ZNF185: variants seen among roughly 807,000 people sequenced by gnomAD.
ZNF185 encodes the protein zinc finger protein 185.
In ZNF185, 56 loss-of-function variants were observed where a neutral mutation model predicts 58.6. The observed-to-expected ratio is 0.95, with a 90% CI of 0.77 to 1.19. ZNF185 has a LOEUF of 1.19. Among genes scored for constraint, ZNF185 ranks in the 50% most tolerant of loss-of-function variants. The probability of loss-of-function intolerance (pLI) is 0.00; values close to 1 mark genes in which losing one functional copy is unlikely to be tolerated. For synonymous variants in ZNF185, 230 were observed against 215.9 expected (o/e 1.07, Z -0.57); for missense variants, 627 against 573.5 (o/e 1.09, Z -0.95).
At chrX:152,960,474 G>A (rs781964174) in intron 17 of ZNF185, among the ~76,000 whole-genome samples, 1 of 112,072 alleles carries the variant, frequency 8.9e-6, no homozygotes, top group African/African-American at 3.2e-5. Context: ...AGGTACTAGG[G>A]AACAGACAAC....
chrX:152,957,759 C>T (rs917066133), intron 16 of ZNF185, among the ~76,000 whole-genome samples: 9 of 112,671 alleles, frequency 8.0e-5, no homozygotes, highest in Non-Finnish European at 1.3e-4. Flanking sequence ...AGGTACCCCT[C>T]GACACAGAAA....
chrX:152,967,304 C>T (rs2125984114), intron 20 of ZNF185, 66 bp downstream of exon 22: 1 of 1,065,566 alleles, frequency 9.4e-7, no homozygotes. Context: ...GGGAGAGTTC[C>T]TGCTGAGTCT....
intron 14 of ZNF185, among the ~76,000 whole-genome samples, chrX:152,935,052 G>A (rs2046104687): frequency 9.0e-6 from 1 of 110,848 alleles, no homozygotes; most frequent in African/African-American, 3.3e-5. Context: ...TGGAACTCCT[G>A]GGCTCAAGCA....
chrX:152,930,306 C>T (rs1266573796), intron 12 of ZNF185, among the ~76,000 whole-genome samples: 4 of 112,107 alleles, frequency 3.6e-5, no homozygotes, highest in Non-Finnish European at 7.5e-5. Context: ...TCAAAATTTC[C>T]AGGAGGGAGG....
In ZNF185 at chrX:152,967,324, T is replaced by C. The variant is rs2050217901; in HGVS notation, c.1871+86T>C. On this transcript the variant is annotated intron_variant, in intron 20 of 22. Coordinates refer to ENST00000449285, the Ensembl canonical transcript of ZNF185. Reference sequence around the variant, plus strand: ...AGTTCCTGCTGAGTCTGTTTGCTTTTGTCTTCTGCTTTGCAGCCTCCAATC... The same window carrying C: ...AGTTCCTGCTGAGTCTGTTTGCTTTCGTCTTCTGCTTTGCAGCCTCCAATC... 4.1e-6 allele frequency: 4 copies of C among 965,841 alleles called. No individual in the cohort carries two copies. In the East Asian group the frequency reaches 9.3e-5, roughly 22 times the overall value. 79.6% of individuals were successfully genotyped at this position (965,841 alleles called of 1,213,427 possible).
At chrX:152,958,840 G>T (rs1266100913) in intron 16 of ZNF185, among the ~76,000 whole-genome samples, 1 of 112,255 alleles carries the variant, frequency 8.9e-6, no homozygotes, top group African/African-American at 3.2e-5. Flanking sequence ...AAAACTACGC[G>T]GTCACAACGA....
intron 11 of ZNF185, among the ~76,000 whole-genome samples, chrX:152,926,274 C>T (rs1326470985): frequency 2.7e-5 from 3 of 112,702 alleles, no homozygotes; most frequent in Admixed American, 9.4e-5. Context: ...GTAATAGCTA[C>T]TTCCCAAGGC....
rs189058567 is a variant in ZNF185, at chrX:152,914,526, G to A, written c.34+3G>A. On this transcript the variant is annotated splice_donor_region_variant and intron_variant, in intron 1 of 22. Coordinates refer to ENST00000449285, the Ensembl canonical transcript of ZNF185. ...AGCTCTTGGAGGCCGCACCAAAGGT[G>A]AGGCCTGGGCTCCCTGGTTTCCCAG... The A allele has an allele frequency of 1.5e-4, 176 of 1,176,276 alleles. No individual in the cohort carries two copies. In the African/African-American group the frequency reaches 1.6e-3, roughly 11 times the overall value.
intron 12 of ZNF185, among the ~76,000 whole-genome samples, chrX:152,931,027 C>T: frequency 9.0e-6 from 1 of 111,637 alleles, no homozygotes; most frequent in Non-Finnish European, 1.9e-5. Context: ...GTTTGCTCAT[C>T]TGAAAGATGG....
chrX:152,925,264 C>G (rs1940633791), intron 11 of ZNF185, among the ~76,000 whole-genome samples: 1 of 111,734 alleles, frequency 8.9e-6, no homozygotes, highest in African/African-American at 3.3e-5. Flanking sequence ...TGTGACCGCA[C>G]CCTTACACTC....
chrX:152,913,829 C>T (rs1473788228), upstream of ZNF185, among the ~76,000 whole-genome samples: 1 of 112,123 alleles, frequency 8.9e-6, no homozygotes, highest in Admixed American at 9.4e-5. Flanking sequence ...ATAGGAGCAT[C>T]GGCGCATTCC....
At position 152,949,229 on chromosome X, in the gene ZNF185, C is replaced by A. The variant is rs73641518; in HGVS notation, c.1409+3765C>A. Among the ~76,000 whole-genome samples the A allele has an allele frequency of 8.5e-3, 949 of 112,302 alleles. 12 individuals are homozygous for A. Among genetic ancestry groups the A allele is most frequent in the African/African-American group, 0.029 (897 of 30,935 alleles). On this transcript the variant is annotated intron_variant, in intron 16 of 22. Transcript: ENST00000449285. ...GAGCAAATGCCTGGTCCGTGGAGATCCCAAGCTGACAAGGGCACCTGAGGC... is the reference window on the plus strand; with the variant it reads ...GAGCAAATGCCTGGTCCGTGGAGATACCAAGCTGACAAGGGCACCTGAGGC...
chrX:152,902,772 C>T, the ZNF185 span, among the ~76,000 whole-genome samples: 1 of 111,559 alleles, frequency 9.0e-6, no homozygotes, highest in Non-Finnish European at 1.9e-5. Flanking sequence ...AAAATAGGGG[C>T]AGTGTTAGAG....
chrX:152,902,125 C>T, the ZNF185 span, among the ~76,000 whole-genome samples: 10 of 112,348 alleles, frequency 8.9e-5, no homozygotes, highest in East Asian at 1.4e-3. Flanking sequence ...TCCCTCTTCC[C>T]GCAGAGCTGC....
chrX:152,917,920 C>T (rs782274354), intron 5 of ZNF185, 145 bp from the exon 7 acceptor site: 48 of 1,104,839 alleles, frequency 4.3e-5, no homozygotes, highest in South Asian at 2.0e-4. Context: ...GGCGCAGTTC[C>T]GGGTGTCTGT....
At chrX:152,929,882 G>A (rs782665983) in intron 12 of ZNF185, among the ~76,000 whole-genome samples, 1 of 112,457 alleles carries the variant, frequency 8.9e-6, no homozygotes, top group Non-Finnish European at 1.9e-5. Flanking sequence ...GCCTTTCTCT[G>A]TGCAGGCTGG....
chrX:152,899,579 G>A, the ZNF185 span, among the ~76,000 whole-genome samples: 1 of 113,038 alleles, frequency 8.8e-6, no homozygotes, highest in South Asian at 3.6e-4. Flanking sequence ...AAGGCACTCA[G>A]TGCAGGGCCA....
At chrX:152,970,256 G>C (rs948873934) in intron 21 of ZNF185, among the ~76,000 whole-genome samples, 187 bp from the exon 24 acceptor site, 1 of 111,233 alleles carries the variant, frequency 9.0e-6, no homozygotes, top group Non-Finnish European at 1.9e-5. Flanking sequence ...GAAAAAAAAG[G>C]CTTTTTTTTG....
At chrX:152,959,554 G>A in intron 16 of ZNF185, 145 bp from the exon 19 acceptor site, 1 of 637,541 alleles carries the variant, frequency 1.6e-6, no homozygotes. Flanking sequence ...CTTGGGGTGG[G>A]GATTGTGCCT....
Sources: gnomAD v4.1 joint callset for allele counts (sites outside exome capture counted in the v4.1 genomes callset) on GRCh38, gnomAD v4.1.1 for gene constraint, MANE v1.5 for transcripts, NCBI Gene and HGNC (gene_info 2026-07-23, HGNC 2026-07-21) for gene names.